The following EMC2 variants were observed in gnomAD, a reference collection of about 807,000 sequenced individuals.
EMC2 encodes the protein ER membrane protein complex subunit 2, also known as TPR repeat protein 35.
A neutral mutation model predicts 51.6 loss-of-function variants in EMC2; 37 were observed. The ratio of observed to expected loss-of-function variants is 0.72; its 90% CI spans 0.55 to 0.94. EMC2 has a LOEUF of 0.94. EMC2 is among the 40% of genes least tolerant of loss of function. The pLI is 0.00. For missense variants in EMC2, 359 were observed against 350.9 expected, an observed-to-expected ratio of 1.02 and a Z score of -0.18; for synonymous variants, 131 against 112.4, an observed-to-expected ratio of 1.17 and a Z score of -1.04.
chr8:108,448,989 C>G (rs1262019108), intron 1 of EMC2, among the ~76,000 whole-genome samples: 2 of 152,054 alleles, frequency 1.3e-5, no homozygotes, highest in Non-Finnish European at 2.9e-5. Flanking sequence ...AAAAGTCTTC[C>G]AAGAAACTCA....
chr8:108,483,984 T>G (rs1055249093), intron 10 of EMC2, among the ~76,000 whole-genome samples: 1 of 152,132 alleles, frequency 6.6e-6, no homozygotes, highest in Non-Finnish European at 1.5e-5. Flanking sequence ...AAAATTAGGT[T>G]TCAAGAACTG....
At chr8:108,455,727 C>G in intron 4 of EMC2, 146 bp from the exon 5 acceptor site, 1 of 355,872 alleles carries the variant, frequency 2.8e-6, no homozygotes, top group Non-Finnish European at 5.1e-6. Context: ...TGGAAGACTT[C>G]GGTAACGATT....
At chr8:108,454,569 A>G (rs1042362631) in intron 4 of EMC2, among the ~76,000 whole-genome samples, 8 of 152,044 alleles carry the variant, frequency 5.3e-5, no homozygotes, top group African/African-American at 1.9e-4. Flanking sequence ...ATAATCACCA[A>G]ATATATTGTT....
At chr8:108,462,393 T>G (rs1489050272) in intron 5 of EMC2, among the ~76,000 whole-genome samples, 1 of 152,168 alleles carries the variant, frequency 6.6e-6, no homozygotes, top group African/African-American at 2.4e-5. Context: ...AAAAGTTTCT[T>G]TAAGTCCCCT....
chr8:108,478,964 CAAAAA>C, intron 9 of EMC2, 37 bp from the exon 10 acceptor site: 1 of 1,218,718 alleles, frequency 8.2e-7, no homozygotes, highest in Non-Finnish European at 1.1e-6. Context: ...TCTTGACTAG[CAAAAA>C]AGGAATTTTG....
chr8:108,476,442 C>T (rs748545583), intron 8 of EMC2, among the ~76,000 whole-genome samples: 5 of 151,796 alleles, frequency 3.3e-5, no homozygotes, highest in Non-Finnish European at 7.4e-5. Flanking sequence ...ATATTTAAGT[C>T]CACATTTATA....
chr8:108,487,513 T>G lies in EMC2; in HGVS notation c.*915T>G, dbSNP rs1423530700. Reference sequence around the variant, plus strand: ...ACCATTATGCTACCTTCAACAGTATTTGACATGTTTCAACAAAATAGAAGA... The same window carrying G: ...ACCATTATGCTACCTTCAACAGTATGTGACATGTTTCAACAAAATAGAAGA... On this transcript the variant is annotated 3_prime_UTR_variant, in exon 11 of 11. Coordinates refer to ENST00000220853, the MANE Select transcript of EMC2 (RefSeq NM_014673.5). Among the ~76,000 whole-genome samples, 1 of 152,042 alleles carries G rather than the reference T, an allele frequency of 6.6e-6. No individual in the cohort carries two copies. The highest frequency in any genetic ancestry group is 1.9e-4 in the East Asian group (1 of 5,208).
chr8:108,481,040 C>T (rs1240200963), intron 10 of EMC2, among the ~76,000 whole-genome samples: 1 of 152,030 alleles, frequency 6.6e-6, no homozygotes, highest in African/African-American at 2.4e-5. Flanking sequence ...CTTTCTATTC[C>T]TCCTACCACA....
intron 5 of EMC2, among the ~76,000 whole-genome samples, chr8:108,460,177 G>A (rs925084862): frequency 5.9e-5 from 9 of 152,094 alleles, no homozygotes; most frequent in Non-Finnish European, 1.0e-4. Context: ...GTTAAAAATC[G>A]ATGGAATTTA....
rs193003359 is a variant in EMC2 at position 108,446,823 on chromosome 8, G to A, written c.41-3000G>A. The stretch of plus-strand genomic sequence containing the variant: ...GTATGTGGTTAATAGTGCTACAAAT[G>A]TATTTATTACAGCAGCACTCAAGAG... On this transcript the variant is annotated intron_variant, in intron 1 of 10. Transcript: ENST00000220853. Among the ~76,000 whole-genome samples the A allele has an allele frequency of 2.4e-3, 367 of 152,286 alleles. 1 individual carries two copies. Among genetic ancestry groups the A allele is most frequent in the African/African-American group, 8.4e-3 (350 of 41,560 alleles).
At position 108,443,626 on chromosome 8, in the gene EMC2, C is replaced by G. The variant is rs775039940; in HGVS notation, c.-33C>G. 1 of 1,596,454 alleles carries G rather than the reference C, an allele frequency of 6.3e-7. No homozygotes were observed. Among genetic ancestry groups the G allele is most frequent in the Non-Finnish European group, 8.5e-7 (1 of 1,170,746 alleles). On this transcript the variant is annotated 5_prime_UTR_variant, in exon 1 of 11. Transcript: ENST00000220853. ...GGGTCACGTGACTGCGTCTCCCCGC[C>G]CTCTCACCCCGCTGCCTCTAGGTTC...
At chr8:108,468,954 A>G (rs1376147443) in intron 5 of EMC2, among the ~76,000 whole-genome samples, 1 of 151,934 alleles carries the variant, frequency 6.6e-6, no homozygotes, top group Non-Finnish European at 1.5e-5. Flanking sequence ...TTTAATGTCT[A>G]CTTACTCTTT....
chr8:108,451,646 A>G (rs1337154928), intron 3 of EMC2, among the ~76,000 whole-genome samples: 1 of 151,804 alleles, frequency 6.6e-6, no homozygotes, highest in African/African-American at 2.4e-5. Context: ...CCTATGAGAC[A>G]TAGTCTTTTG....
chr8:108,467,572 A>G (rs139673956), intron 5 of EMC2, among the ~76,000 whole-genome samples: 2 of 151,976 alleles, frequency 1.3e-5, no homozygotes, highest in African/African-American at 4.8e-5. Flanking sequence ...AAAAATGTCT[A>G]TTTATTTTTA....
intron 3 of EMC2, 146 bp from the exon 4 acceptor site, chr8:108,452,913 CATT>C: frequency 2.2e-6 from 1 of 453,230 alleles, no homozygotes; most frequent in Non-Finnish European, 4.0e-6. Context: ...TCTTTCAATC[CATT>C]ATTTGTTACT....
At chr8:108,462,492 A>G (rs750220928) in intron 5 of EMC2, among the ~76,000 whole-genome samples, 18 of 152,142 alleles carry the variant, frequency 1.2e-4, no homozygotes, top group Non-Finnish European at 1.9e-4. Flanking sequence ...ATGAATCTTT[A>G]GAGGTGAAAT....
Position 108,488,481 on chromosome 8 carries a change from A to G in EMC2, c.*1883A>G, listed in dbSNP as rs529931190. Among the ~76,000 whole-genome samples the G allele has an allele frequency of 3.9e-5, 6 of 152,142 alleles. No individual in the cohort carries two copies. The South Asian group carries it at 1.0e-3, about 26-fold the overall frequency. ...GGCCAGTATCACTTTATTTTTTCAA[A>G]ATTTTAATAACTTCTTTCCAAGATT... On this transcript the variant is annotated 3_prime_UTR_variant, in exon 11 of 11. Transcript: ENST00000220853.
intron 8 of EMC2, 59 bp from the exon 9 acceptor site, chr8:108,476,723 C>A: frequency 1.3e-6 from 1 of 768,114 alleles, no homozygotes. Context: ...ATGATGAAAC[C>A]ATGCTATATT....
At chr8:108,459,865 TAA>T (rs1280401389) in intron 5 of EMC2, among the ~76,000 whole-genome samples, 1 of 151,954 alleles carries the variant, frequency 6.6e-6, no homozygotes, top group Admixed American at 6.6e-5. Flanking sequence ...TAATAAAAAA[TAA>T]AAATAAGAAA....
Sources: allele counts gnomAD v4.1 joint callset (sites outside exome capture counted in the v4.1 genomes callset), GRCh38; gene constraint gnomAD v4.1.1; transcripts MANE v1.5; gene names NCBI Gene and HGNC (gene_info 2026-07-23, HGNC 2026-07-21).